PAX3: variants seen among roughly 807,000 people sequenced by gnomAD.
The protein encoded by PAX3 is paired box protein Pax-3.
PAX3 carries 14 observed loss-of-function variants against 51.6 expected under a neutral mutation model. That is an observed-to-expected ratio of 0.27 (90% CI 0.18 to 0.42). The LOEUF (loss-of-function observed/expected upper bound fraction) is 0.42. PAX3 is among the 10% of genes least tolerant of loss of function. PAX3 has a pLI of 1.00. For synonymous variants in PAX3, 280 were observed against 253.4 expected (o/e 1.11, Z -1.00); for missense variants, 540 against 642.8 (o/e 0.84, Z 1.73).
At chr2:222,230,453 C>T (rs551129751) in intron 5 of PAX3, among the ~76,000 whole-genome samples, 2 of 152,006 alleles carry the variant, frequency 1.3e-5, no homozygotes, top group African/African-American at 4.8e-5. Context: ...AGGAGAAATA[C>T]CTAATGTAGA....
chr2:222,209,006 C>T (rs1691616255), intron 7 of PAX3, among the ~76,000 whole-genome samples: 1 of 152,082 alleles, frequency 6.6e-6, no homozygotes, highest in Non-Finnish European at 1.5e-5. Flanking sequence ...ACTCACAAAT[C>T]ACTTATAATA....
intron 5 of PAX3, among the ~76,000 whole-genome samples, chr2:222,226,680 T>G (rs1490995597): frequency 3.3e-5 from 5 of 150,924 alleles, no homozygotes; most frequent in African/African-American, 7.3e-5. Context: ...TCTGCCATAT[T>G]CTCATTCCCT....
intron 7 of PAX3, among the ~76,000 whole-genome samples, chr2:222,202,837 A>T (rs1033948806): frequency 7.3e-5 from 11 of 151,134 alleles, no homozygotes; most frequent in African/African-American, 1.9e-4. Context: ...TAGTTCAGTC[A>T]CCTGCTTTGA....
intron 5 of PAX3, among the ~76,000 whole-genome samples, chr2:222,226,878 A>G (rs1001250654): frequency 1.3e-5 from 2 of 151,860 alleles, no homozygotes; most frequent in Admixed American, 6.6e-5. Flanking sequence ...GTATTTGAGC[A>G]CATAATGAAA....
Position 222,298,681 on chromosome 2 carries a change from C to T in PAX3, c.-66G>A. On this transcript the variant is annotated 5_prime_UTR_variant, in exon 1 of 9. Coordinates refer to ENST00000392070, the MANE Select transcript of PAX3 (RefSeq NM_181458.4). The stretch of plus-strand genomic sequence containing the variant: ...GCGAAACGGAAAGGCGAGTGCGGCG[C>T]GGATGACCCTCGGGAACTATCCGGA... The T allele has an allele frequency of 6.9e-7, 1 of 1,443,564 alleles. No individual in the cohort carries two copies. Among genetic ancestry groups the T allele is most frequent in the Non-Finnish European group, 9.5e-7 (1 of 1,048,950 alleles). The allele number at this position is 1,443,564 out of a possible 1,614,324, so 89.4% of individuals were successfully genotyped here.
At chr2:222,207,414 T>C (rs758962852) in intron 7 of PAX3, among the ~76,000 whole-genome samples, 29 of 152,184 alleles carry the variant, frequency 1.9e-4, no homozygotes, top group Non-Finnish European at 3.8e-4. Flanking sequence ...TTCTCACCCA[T>C]CCTGAGAGTT....
At chr2:222,212,941 A>AT (rs1010889020) in intron 7 of PAX3, among the ~76,000 whole-genome samples, 5 of 152,066 alleles carry the variant, frequency 3.3e-5, no homozygotes, top group South Asian at 2.1e-4. Flanking sequence ...AATAATGCTC[A>AT]TTTTTTTTCG....
At chr2:222,289,911 G>C (rs978566638) in intron 4 of PAX3, among the ~76,000 whole-genome samples, 3 of 152,186 alleles carry the variant, frequency 2.0e-5, no homozygotes, top group African/African-American at 7.2e-5. Context: ...GAATCGAAAC[G>C]ACATTGAAGT....
intron 7 of PAX3, among the ~76,000 whole-genome samples, chr2:222,215,893 G>A (rs928076529): frequency 8.5e-5 from 13 of 152,224 alleles, no homozygotes; most frequent in African/African-American, 2.2e-4. Context: ...TTCCCAGAGC[G>A]TATTTTGTCA....
At position 222,255,787 on chromosome 2, in the gene PAX3, T is replaced by A. The variant is rs532612343; in HGVS notation, c.587-23504A>T. On this transcript the variant is annotated intron_variant, in intron 4 of 8. Coordinates refer to ENST00000392070, the MANE Select transcript of PAX3 (RefSeq NM_181458.4). ...ACAGTATGCCCAATTATATTCTTTT[T>A]TTTTTTTTTTTTGAGACAGAGTCTC... 2.4e-4 allele frequency among the ~76,000 whole-genome samples: 36 copies of A among 150,874 alleles called. 1 individual carries two copies. The highest frequency in any genetic ancestry group is 2.3e-3 in the South Asian group (11 of 4,778).
At chr2:222,207,043 GT>G (rs1219560659) in intron 7 of PAX3, among the ~76,000 whole-genome samples, 10 of 152,098 alleles carry the variant, frequency 6.6e-5, no homozygotes, top group South Asian at 4.1e-4. Context: ...GACATAAAGA[GT>G]TTTTTTATTC....
intron 5 of PAX3, among the ~76,000 whole-genome samples, chr2:222,228,060 C>T (rs1266490266): frequency 1.3e-5 from 2 of 152,186 alleles, no homozygotes; most frequent in African/African-American, 4.8e-5. Context: ...ACTGAGTTGA[C>T]TTGGCTACTG....
At chr2:222,282,530 A>G (rs1332189952) in intron 4 of PAX3, among the ~76,000 whole-genome samples, 1 of 152,188 alleles carries the variant, frequency 6.6e-6, no homozygotes, top group African/African-American at 2.4e-5. Context: ...ATACAAGACC[A>G]TATTTTCTTA....
intron 4 of PAX3, among the ~76,000 whole-genome samples, chr2:222,236,708 C>T (rs1010457011): frequency 6.6e-6 from 1 of 152,130 alleles, no homozygotes; most frequent in African/African-American, 2.4e-5. Flanking sequence ...CAGGATACAA[C>T]AATTAGATTA....
chr2:222,261,510 C>T (rs191537309), intron 4 of PAX3, among the ~76,000 whole-genome samples: 6 of 150,782 alleles, frequency 4.0e-5, no homozygotes, highest in South Asian at 2.1e-4. Flanking sequence ...GGAAAAGATA[C>T]GAAGAAGATT....
intron 4 of PAX3, among the ~76,000 whole-genome samples, chr2:222,288,508 T>C (rs532772570): frequency 6.6e-6 from 1 of 152,360 alleles, no homozygotes; most frequent in South Asian, 2.1e-4. Context: ...CAGATTCCTG[T>C]GTATTTAATT....
intron 3 of PAX3, among the ~76,000 whole-genome samples, chr2:222,295,226 G>A (rs1475960721): frequency 6.6e-6 from 1 of 152,110 alleles, no homozygotes; most frequent in East Asian, 1.9e-4. Context: ...CTTTAAAAGG[G>A]AACATCAATA....
At chr2:222,218,011 G>A (rs1215263650) in intron 7 of PAX3, among the ~76,000 whole-genome samples, 2 of 152,058 alleles carry the variant, frequency 1.3e-5, no homozygotes, top group Non-Finnish European at 2.9e-5. Context: ...CATATTATTT[G>A]TCTCTTTTCT....
rs188713290 is a variant in PAX3, at chr2:222,214,455, G to T, written c.1173+5685C>A. On this transcript the variant is annotated intron_variant, in intron 7 of 8. Transcript: ENST00000392070. ...AACTGGATGGGTGGTAGAGTTAAAG[G>T]TTTGCTTTTGTAAAATGTGAATAAG... 2.6e-3 allele frequency: 399 copies of T among 152,134 alleles called. 1 individual carries two copies. Among genetic ancestry groups the T allele is most frequent in the African/African-American group, 9.4e-3 (391 of 41,512 alleles). The allele number at this position is 152,134 out of a possible 1,614,324, so 9.4% of individuals were successfully genotyped here. A position where few individuals can be genotyped will look rare whatever the true frequency, so the allele number is the denominator to read the frequency against.
Sources: allele counts gnomAD v4.1 joint callset (sites outside exome capture counted in the v4.1 genomes callset), GRCh38; gene constraint gnomAD v4.1.1; transcripts MANE v1.5; gene names NCBI Gene and HGNC (gene_info 2026-07-23, HGNC 2026-07-21).